The following OR2M5 variants were observed in gnomAD, a reference collection of about 807,000 sequenced individuals.
OR2M5 encodes olfactory receptor family 2 subfamily M member 5, also known as olfactory receptor 2M5.
For missense variants in OR2M5, 413 were observed against 389.3 expected (o/e 1.06, Z -0.51); for synonymous variants, 164 against 139.6 (o/e 1.18, Z -1.23).
chr1:248,145,750 C>A lies in OR2M5; in HGVS notation c.603C>A (p.Ile201=), dbSNP rs1558236519. The A allele has an allele frequency of 6.2e-7, 1 of 1,613,736 alleles. No homozygotes were observed. Among genetic ancestry groups the A allele is most frequent in the African/African-American group, 1.3e-5 (1 of 74,938 alleles). Reference sequence around the variant, plus strand: ...CAATATTTGAAAAGGTTCTTTTCATCTGCTGTATAGTAATGATTGTTTTTC... The same window carrying A: ...CAATATTTGAAAAGGTTCTTTTCATATGCTGTATAGTAATGATTGTTTTTC... ...DTSIFEKVLF[I]CCIVMIVFPV... is the part of the protein sequence containing the mutation. Residue 201 remains isoleucine (I), a synonymous_variant, in exon 1 of 1, where the codon ATC becomes ATA. Coordinates refer to ENST00000366476, the MANE Select transcript of OR2M5 (RefSeq NM_001004690.1).
chr1:248,145,677 T>G lies in OR2M5; in HGVS notation c.530T>G (p.Phe177Cys), dbSNP rs148945810. 2 of 1,613,806 alleles carry G rather than the reference T, an allele frequency of 1.2e-6. No individual in the cohort carries two copies. Among genetic ancestry groups the G allele is most frequent in the South Asian group, 2.2e-5 (2 of 91,076 alleles). Residue 177 changes from phenylalanine (F) to cysteine (C), a missense_variant, in exon 1 of 1, where the codon TTC (phenylalanine) becomes TGC (cysteine). Transcript: ENST00000366476. Reference protein sequence around the residue: ...SYCGSREIAHFFCDFPSLLIL... With the variant: ...SYCGSREIAHCFCDFPSLLIL... Reference sequence around the variant, plus strand: ...TGTGGGTCTCGGGAAATAGCCCACTTCTTCTGTGACTTCCCTTCCCTACTA... The same window carrying G: ...TGTGGGTCTCGGGAAATAGCCCACTGCTTCTGTGACTTCCCTTCCCTACTA...
Position 248,145,961 on chromosome 1 carries a change from A to C in OR2M5, c.814A>C (p.Lys272Gln). The change falls in exon 1 of 1, where the codon AAG (lysine) becomes CAG (glutamine). Residue 272 changes from lysine (K) to glutamine (Q), a missense_variant. Coordinates refer to ENST00000366476, the MANE Select transcript of OR2M5 (RefSeq NM_001004690.1). ...ATCTGATCGCTCCCCTATGCAGGAC[A>C]AGCTGGTGTCTGTATTCTACACCAT... ...PTSDRSPMQD[K>Q]LVSVFYTILT... is the part of the protein sequence containing the mutation. The C allele has an allele frequency of 1.2e-6, 2 of 1,613,918 alleles. No homozygotes were observed. The highest frequency in any genetic ancestry group is 1.7e-6 in the Non-Finnish European group (2 of 1,179,906).
chr1:248,146,058 T>C lies in OR2M5; in HGVS notation c.911T>C (p.Val304Ala). The change falls in exon 1 of 1, where the codon GTG becomes GCG. Residue 304 changes from valine (V) to alanine (A), a missense_variant. Val to Ala is a moderately conservative substitution (Grantham distance 64, BLOSUM62 0). Transcript: ENST00000366476. ...GAGGTGACCAGAGCACTCAGGAAAG[T>C]GTTAGGAAAGGGCAAGTGTGGAGAG... ...NKEVTRALRK[V>A]LGKGKCGE 6.2e-7 allele frequency: 1 copy of C among 1,613,124 alleles called. No homozygotes were observed. Among genetic ancestry groups the C allele is most frequent in the Non-Finnish European group, 8.5e-7 (1 of 1,179,510 alleles).
In OR2M5 at chr1:248,145,352, A is replaced by T. The variant is rs200164556; in HGVS notation, c.205A>T (p.Met69Leu). 1 of 1,613,922 alleles carries T rather than the reference A, an allele frequency of 6.2e-7. No homozygotes were observed. Among genetic ancestry groups the T allele is most frequent in the Non-Finnish European group, 8.5e-7 (1 of 1,179,956 alleles). Residue 69 changes from methionine (M) to leucine (L), a missense_variant, in exon 1 of 1, where the codon ATG becomes TTG. Transcript: ENST00000366476. ...MYFLLSQLFL[M>L]DLMLICSTVP... ...CTTCCTCCTCAGTCAACTGTTCCTCATGGACCTCATGCTCATCTGCTCTAC... is the reference window on the plus strand; with the variant it reads ...CTTCCTCCTCAGTCAACTGTTCCTCTTGGACCTCATGCTCATCTGCTCTAC...
At position 248,145,777 on chromosome 1, in the gene OR2M5, T is replaced by C; in HGVS notation, c.630T>C (p.Pro210=). The C allele has an allele frequency of 6.2e-7, 1 of 1,613,646 alleles. No individual in the cohort carries two copies. The highest frequency in any genetic ancestry group is 8.5e-7 in the Non-Finnish European group (1 of 1,179,812). The change falls in exon 1 of 1, where the codon CCT becomes CCC. Residue 210 remains proline (P), a synonymous_variant. Coordinates refer to ENST00000366476, the MANE Select transcript of OR2M5 (RefSeq NM_001004690.1). ...GCTGTATAGTAATGATTGTTTTTCC[T>C]GTTGCAATCATCATCGCTTCCTATG... The part of the protein sequence containing the change: ...FICCIVMIVF[P]VAIIIASYAR...
At position 248,145,303 on chromosome 1, in the gene OR2M5, C is replaced by T. The variant is rs1665409728; in HGVS notation, c.156C>T (p.Asp52=). 5.0e-6 allele frequency: 8 copies of T among 1,613,950 alleles called. No homozygotes were observed. Among genetic ancestry groups the T allele is most frequent in the East Asian group, 4.5e-5 (2 of 44,870 alleles). Residue 52 remains aspartate (D), a synonymous_variant, in exon 1 of 1, where the codon GAC becomes GAT. Coordinates refer to ENST00000366476, the MANE Select transcript of OR2M5 (RefSeq NM_001004690.1). The stretch of plus-strand genomic sequence containing the variant: ...TCATGGTTCTCCTCATCTACCTGGA[C>T]ACCCAGCTCCACACCCCCATGTACT... ...NSVMVLLIYL[D]TQLHTPMYFL...
rs1665407736 is a variant in OR2M5, at chr1:248,145,196, A to G, written c.49A>G (p.Ile17Val). ...TFNSDFILLGIFNHSPTHTFL... is the reference protein window; with the variant it reads ...TFNSDFILLGVFNHSPTHTFL... ...CAACTCTGACTTCATCCTCCTGGGA[A>G]TCTTCAATCACAGCCCCACCCACAC... The change falls in exon 1 of 1, where the codon ATC becomes GTC. Residue 17 changes from isoleucine to valine, a missense_variant. Transcript: ENST00000366476. The G allele has an allele frequency of 3.1e-6, 5 of 1,613,754 alleles. No individual in the cohort carries two copies. In the East Asian group the frequency reaches 1.1e-4, roughly 36 times the overall value.
At position 248,146,011 on chromosome 1, in the gene OR2M5, C is replaced by G. The variant is rs774417550; in HGVS notation, c.864C>G (p.Leu288=). The G allele has an allele frequency of 6.2e-7, 1 of 1,613,904 alleles. No individual in the cohort carries two copies. ...TCCTCACTCCCATGCTGAATCCCCTCATCTACAGCCTCCGCAACAAGGAGG... is the reference window on the plus strand; with the variant it reads ...TCCTCACTCCCATGCTGAATCCCCTGATCTACAGCCTCCGCAACAAGGAGG... The part of the protein sequence containing the change: ...YTILTPMLNP[L]IYSLRNKEVT... The change falls in exon 1 of 1, where the codon CTC becomes CTG. Residue 288 remains leucine (L), a synonymous_variant. Coordinates refer to ENST00000366476, the MANE Select transcript of OR2M5 (RefSeq NM_001004690.1).
In OR2M5 at chr1:248,145,420, C is replaced by G. The variant is rs755121594; in HGVS notation, c.273C>G (p.Ser91=). Residue 91 remains serine, a synonymous_variant, in exon 1 of 1, where the codon TCC becomes TCG. Transcript: ENST00000366476. Reference sequence around the variant, plus strand: ...TCAACTACTTGTCTGGCAGCAAGTCCATTTCTATGGCTGGTTGTGCCACAC... The same window carrying G: ...TCAACTACTTGTCTGGCAGCAAGTCGATTTCTATGGCTGGTTGTGCCACAC... ...MAFNYLSGSK[S]ISMAGCATQI... is the part of the protein sequence containing the mutation. 4 of 1,614,066 alleles carry G rather than the reference C, an allele frequency of 2.5e-6. No homozygotes were observed. The highest frequency in any genetic ancestry group is 3.4e-6 in the Non-Finnish European group (4 of 1,179,964).
chr1:248,145,288 C>A lies in OR2M5; in HGVS notation c.141C>A (p.Leu47=). 1.9e-6 allele frequency: 3 copies of A among 1,613,794 alleles called. No individual in the cohort carries two copies. Among genetic ancestry groups the A allele is most frequent in the Non-Finnish European group, 2.5e-6 (3 of 1,179,916 alleles). Residue 47 remains leucine, a synonymous_variant, in exon 1 of 1, where the codon CTC becomes CTA. Transcript: ENST00000366476. ...VAFMGNSVMV[L]LIYLDTQLHT... ...TCATGGGAAACTCTGTCATGGTTCT[C>A]CTCATCTACCTGGACACCCAGCTCC...
rs769571074 is a variant in OR2M5, at chr1:248,145,867, C to T, written c.720C>T (p.Thr240=). ...SGEGRRKAFT[T]CSSHLMVVGM... ...AGGGTCGTCGCAAAGCTTTTACTACCTGTTCCTCTCACCTCATGGTGGTGG... is the reference window on the plus strand; with the variant it reads ...AGGGTCGTCGCAAAGCTTTTACTACTTGTTCCTCTCACCTCATGGTGGTGG... The change falls in exon 1 of 1, where the codon ACC becomes ACT. Residue 240 remains threonine, a synonymous_variant. Coordinates refer to ENST00000366476, the MANE Select transcript of OR2M5 (RefSeq NM_001004690.1). 1.5e-5 allele frequency: 24 copies of T among 1,613,704 alleles called. No homozygotes were observed. Among genetic ancestry groups the T allele is most frequent in the Middle Eastern group, 1.7e-4 (1 of 5,864 alleles).
chr1:248,145,260 C>G lies in OR2M5; in HGVS notation c.113C>G (p.Ala38Gly). The G allele has an allele frequency of 6.2e-7, 1 of 1,613,996 alleles. No homozygotes were observed. The highest frequency in any genetic ancestry group is 8.5e-7 in the Non-Finnish European group (1 of 1,179,952). ...CTGGTCCTGGCCATCTTTTCAGTGGCCTTCATGGGAAACTCTGTCATGGTT... is the reference window on the plus strand; with the variant it reads ...CTGGTCCTGGCCATCTTTTCAGTGGGCTTCATGGGAAACTCTGTCATGGTT... ...FFLVLAIFSV[A>G]FMGNSVMVLL... The change falls in exon 1 of 1, where the codon GCC becomes GGC. Residue 38 changes from alanine (A) to glycine (G), a missense_variant. Physicochemically the swap from Ala to Gly is moderately conservative, Grantham distance 60 (BLOSUM62 0). Transcript: ENST00000366476.
In OR2M5 at chr1:248,145,445, C is replaced by G; in HGVS notation, c.298C>G (p.Gln100Glu). The change falls in exon 1 of 1, where the codon CAA becomes GAA. Residue 100 changes from glutamine to glutamate, a missense_variant. Transcript: ENST00000366476. Reference protein sequence around the residue: ...KSISMAGCATQIFFYVSLLGS... With the variant: ...KSISMAGCATEIFFYVSLLGS... ...CATTTCTATGGCTGGTTGTGCCACA[C>G]AAATTTTCTTCTATGTATCACTGCT... 6.2e-7 allele frequency: 1 copy of G among 1,614,074 alleles called. No homozygotes were observed. The highest frequency in any genetic ancestry group is 8.5e-7 in the Non-Finnish European group (1 of 1,179,962).
chr1:248,145,267 G>A lies in OR2M5; in HGVS notation c.120G>A (p.Met40Ile). The A allele has an allele frequency of 6.2e-7, 1 of 1,613,904 alleles. No homozygotes were observed. The highest frequency in any genetic ancestry group is 8.5e-7 in the Non-Finnish European group (1 of 1,179,912). Reference protein sequence around the residue: ...LVLAIFSVAFMGNSVMVLLIY... With the variant: ...LVLAIFSVAFIGNSVMVLLIY... ...TGGCCATCTTTTCAGTGGCCTTCATGGGAAACTCTGTCATGGTTCTCCTCA... is the reference window on the plus strand; with the variant it reads ...TGGCCATCTTTTCAGTGGCCTTCATAGGAAACTCTGTCATGGTTCTCCTCA... The change falls in exon 1 of 1, where the codon ATG becomes ATA. Residue 40 changes from methionine to isoleucine, a missense_variant. Physicochemically the swap from Met to Ile is conservative, Grantham distance 10. Coordinates refer to ENST00000366476, the MANE Select transcript of OR2M5 (RefSeq NM_001004690.1).
chr1:248,145,836 C>T lies in OR2M5; in HGVS notation c.689C>T (p.Ser230Phe), dbSNP rs762514342. 6.2e-7 allele frequency: 1 copy of T among 1,613,308 alleles called. No individual in the cohort carries two copies. Among genetic ancestry groups the T allele is most frequent in the Non-Finnish European group, 8.5e-7 (1 of 1,179,816 alleles). ...RVILAVIHMG[S>F]GEGRRKAFTT... ...ATTCTGGCTGTCATTCACATGGGAT[C>T]TGGAGAGGGTCGTCGCAAAGCTTTT... Residue 230 changes from serine to phenylalanine, a missense_variant, in exon 1 of 1, where the codon TCT becomes TTT. Physicochemically the swap from Ser to Phe is radical, Grantham distance 155. Transcript: ENST00000366476.
Position 248,145,743 on chromosome 1 carries a change from T to C in OR2M5, c.596T>C (p.Leu199Pro), listed in dbSNP as rs760448602. The C allele has an allele frequency of 1.2e-6, 2 of 1,613,800 alleles. No homozygotes were observed. The highest frequency in any genetic ancestry group is 1.7e-6 in the Non-Finnish European group (2 of 1,179,812). Residue 199 changes from leucine (L) to proline (P), a missense_variant, in exon 1 of 1, where the codon CTT (leucine) becomes CCT (proline). Leu to Pro is a moderately conservative substitution (Grantham distance 98, BLOSUM62 -3). Transcript: ENST00000366476. ...GACACATCAATATTTGAAAAGGTTC[T>C]TTTCATCTGCTGTATAGTAATGATT... ...CNDTSIFEKV[L>P]FICCIVMIVF... is the part of the protein sequence containing the mutation.
rs955672500 is a variant in OR2M5, at chr1:248,145,202, A to C, written c.55A>C (p.Asn19His). Residue 19 changes from asparagine (N) to histidine (H), a missense_variant, in exon 1 of 1, where the codon AAT becomes CAT. Coordinates refer to ENST00000366476, the MANE Select transcript of OR2M5 (RefSeq NM_001004690.1). The stretch of plus-strand genomic sequence containing the variant: ...TGACTTCATCCTCCTGGGAATCTTC[A>C]ATCACAGCCCCACCCACACCTTCCT... ...NSDFILLGIFNHSPTHTFLFF... is the reference protein window; with the variant it reads ...NSDFILLGIFHHSPTHTFLFF... 2 of 1,613,746 alleles carry C rather than the reference A, an allele frequency of 1.2e-6. No homozygotes were observed. The highest frequency in any genetic ancestry group is 2.7e-5 in the African/African-American group (2 of 74,888).
In OR2M5 at chr1:248,145,437, G is replaced by T; in HGVS notation, c.290G>T (p.Cys97Phe). 7.4e-6 allele frequency: 12 copies of T among 1,614,046 alleles called. No individual in the cohort carries two copies. The highest frequency in any genetic ancestry group is 1.0e-5 in the Non-Finnish European group (12 of 1,179,952). Residue 97 changes from cysteine to phenylalanine, a missense_variant, in exon 1 of 1, where the codon TGT (cysteine) becomes TTT (phenylalanine). By Grantham distance (205) the Cys-to-Phe change is radical. Transcript: ENST00000366476. Reference sequence around the variant, plus strand: ...AGCAAGTCCATTTCTATGGCTGGTTGTGCCACACAAATTTTCTTCTATGTA... The same window carrying T: ...AGCAAGTCCATTTCTATGGCTGGTTTTGCCACACAAATTTTCTTCTATGTA... ...SGSKSISMAG[C>F]ATQIFFYVSL... is the part of the protein sequence containing the mutation.
chr1:248,145,985 A>G lies in OR2M5; in HGVS notation c.838A>G (p.Ile280Val). The G allele has an allele frequency of 6.2e-7, 1 of 1,613,906 alleles. No individual in the cohort carries two copies. The highest frequency in any genetic ancestry group is 1.3e-5 in the African/African-American group (1 of 74,988). ...QDKLVSVFYT[I>V]LTPMLNPLIY... is the part of the protein sequence containing the mutation. ...CAAGCTGGTGTCTGTATTCTACACC[A>G]TCCTCACTCCCATGCTGAATCCCCT... Residue 280 changes from isoleucine (I) to valine (V), a missense_variant, in exon 1 of 1, where the codon ATC (isoleucine) becomes GTC (valine). By Grantham distance (29) the Ile-to-Val change is conservative. Coordinates refer to ENST00000366476, the MANE Select transcript of OR2M5 (RefSeq NM_001004690.1).
Sources: allele counts gnomAD v4.1 joint callset, GRCh38; gene constraint gnomAD v4.1.1; transcripts MANE v1.5; gene names NCBI Gene and HGNC (gene_info 2026-07-23, HGNC 2026-07-21).